CACNA1G: variants seen among roughly 807,000 people sequenced by gnomAD.
CACNA1G encodes voltage-dependent T-type calcium channel subunit alpha-1G.
A neutral mutation model predicts 219.4 loss-of-function variants in CACNA1G; 67 were observed. The observed-to-expected ratio is 0.31, with a 90% CI of 0.25 to 0.37. The LOEUF is 0.37. CACNA1G is among the 10% of genes least tolerant of loss of function. CACNA1G has a pLI of 1.00. For synonymous variants in CACNA1G, 1,296 were observed against 1,345.3 expected, an observed-to-expected ratio of 0.96 and a Z score of 0.80; for missense variants, 2,380 against 3,231.4, an observed-to-expected ratio of 0.74 and a Z score of 6.39.
chr17:50,569,518 A>G (rs2144648618), intron 3 of CACNA1G, among the ~76,000 whole-genome samples, 188 bp from the exon 4 acceptor site: 1 of 151,730 alleles, frequency 6.6e-6, no homozygotes, highest in East Asian at 1.9e-4. Flanking sequence ...TCTGATGGGC[A>G]ATCTGTCCTT....
At chr17:50,593,470 G>A (rs906562306) in intron 13 of CACNA1G, among the ~76,000 whole-genome samples, 3 of 152,268 alleles carry the variant, frequency 2.0e-5, no homozygotes, top group African/African-American at 7.2e-5. Flanking sequence ...GCCCAGCACA[G>A]ATGGCCCCCT....
At chr17:50,614,377 G>T (rs186001538) in intron 26 of CACNA1G, among the ~76,000 whole-genome samples, 1 of 152,096 alleles carries the variant, frequency 6.6e-6, no homozygotes, top group Non-Finnish European at 1.5e-5. Flanking sequence ...ACACCTCCCC[G>T]TGAAAAGCCT....
At chr17:50,561,800 G>A in intron 1 of CACNA1G, 99 bp downstream of exon 1, 2 of 726,080 alleles carry the variant, frequency 2.8e-6, no homozygotes, top group Non-Finnish European at 3.5e-6. Context: ...CAGGTGAGTC[G>A]AAGTGAGCCC....
chr17:50,606,074 C>G (rs1356277368), intron 23 of CACNA1G, 51 bp downstream of exon 23: 2 of 1,612,696 alleles, frequency 1.2e-6, no homozygotes, highest in African/African-American at 2.7e-5. Context: ...CTGGAGGGGG[C>G]ACAGGGCCAT....
chr17:50,567,975 G>C (rs186807939), intron 1 of CACNA1G, among the ~76,000 whole-genome samples: 1 of 152,312 alleles, frequency 6.6e-6, no homozygotes, highest in East Asian at 1.9e-4. Context: ...GGAGGGGGTA[G>C]ACATTGTCCA....
intron 7 of CACNA1G, 26 bp downstream of exon 7, chr17:50,573,139 G>A (rs1336911069): frequency 1.3e-6 from 2 of 1,518,508 alleles, no homozygotes; most frequent in South Asian, 1.2e-5. Context: ...GATCCCCGTG[G>A]GGATGGGCGA....
chr17:50,609,872 G>T lies in CACNA1G; in HGVS notation c.4706-10G>T. ...CGGCCAGTGACCAATGTCGTGTTTC[G>T]TTCTTTTAGATCTAATGCTGGACGA... On this transcript the variant is annotated splice_polypyrimidine_tract_variant and intron_variant, in intron 25 of 37. Transcript: ENST00000359106. 6.2e-7 allele frequency: 1 copy of T among 1,610,866 alleles called. No homozygotes were observed.
chr17:50,565,532 C>G (rs1037174134), intron 1 of CACNA1G, among the ~76,000 whole-genome samples: 1 of 152,124 alleles, frequency 6.6e-6, no homozygotes, highest in African/African-American at 2.4e-5. Context: ...ATCCCCCTAC[C>G]TCCTCATTTA....
Position 50,590,528 on chromosome 17 carries a change from G to A in CACNA1G, c.2359G>A (p.Ala787Thr), listed in dbSNP as rs760412777. The stretch of plus-strand genomic sequence containing the variant: ...CAACATCGTCTTCACCAGCCTCTTT[G>A]CCCTGGAGATGCTGCTGAAGCTGCT... ...ISNIVFTSLFALEMLLKLLVY... is the reference protein window; with the variant it reads ...ISNIVFTSLFTLEMLLKLLVY... The change falls in exon 10 of 38, where the codon GCC (alanine) becomes ACC (threonine). Residue 787 changes from alanine (A) to threonine (T), a missense_variant. By Grantham distance (58) the Ala-to-Thr change is moderately conservative (BLOSUM62 0). Transcript: ENST00000359106. 1.9e-6 allele frequency: 3 copies of A among 1,613,938 alleles called. No homozygotes were observed. In the Admixed American group the frequency reaches 5.0e-5, roughly 27 times the overall value.
chr17:50,589,894 T>C (rs12601226), intron 9 of CACNA1G, among the ~76,000 whole-genome samples: 6,513 of 137,308 alleles, frequency 0.047, 356 homozygotes, highest in African/African-American at 0.13. Flanking sequence ...GCGTGCATTT[T>C]TCTCTCTCTC....
intron 23 of CACNA1G, 156 bp downstream of exon 23, chr17:50,606,179 G>A: frequency 9.1e-7 from 1 of 1,093,358 alleles, no homozygotes; most frequent in Non-Finnish European, 1.4e-6. Flanking sequence ...ATGTCGCAAA[G>A]CCCAGTCCAT....
At chr17:50,602,933 G>A in intron 20 of CACNA1G, 45 bp downstream of exon 20, 3 of 1,612,760 alleles carry the variant, frequency 1.9e-6, no homozygotes, top group Non-Finnish European at 2.5e-6. Flanking sequence ...TTCCTGGTGG[G>A]GGTGGAGACA....
rs567521390 is a variant in CACNA1G, at chr17:50,591,379, G to C, written c.2454-56G>C. On this transcript the variant is annotated intron_variant, in intron 10 of 37. Coordinates refer to ENST00000359106, the MANE Select transcript of CACNA1G (RefSeq NM_018896.5). ...GGGTGCTACTGAGTCCTCTCCGAGGGAGTAGGGGGAGAGGGTGAAGGTGCA... is the reference window on the plus strand; with the variant it reads ...GGGTGCTACTGAGTCCTCTCCGAGGCAGTAGGGGGAGAGGGTGAAGGTGCA... 2.1e-6 allele frequency: 3 copies of C among 1,446,720 alleles called. No homozygotes were observed. In the African/African-American group the frequency reaches 4.2e-5, roughly 20 times the overall value. 89.6% of individuals were successfully genotyped at this position (1,446,720 alleles called of 1,614,324 possible).
Position 50,578,560 on chromosome 17 carries a change from A to G in CACNA1G, c.2297A>G (p.Glu766Gly). ...CTCAGCATGGGCATCGAATACCACG[A>G]GCAGGTAGGAGAGTGGGCAGAGGCA... The part of the protein sequence containing the change: ...NTLSMGIEYH[E>G]QPEELTNALE... The change falls in exon 9 of 38, where the codon GAG becomes GGG. Residue 766 changes from glutamate to glycine, a missense_variant. Glu to Gly is a moderately conservative substitution (Grantham distance 98). This residue lies in a region of CACNA1G where 82 missense variants were observed against 140.7 expected (regional missense o/e 0.58). Coordinates refer to ENST00000359106, the MANE Select transcript of CACNA1G (RefSeq NM_018896.5). The surrounding 1 kb of genome is among the most constrained non-coding windows in gnomAD (Gnocchi z 4.5). 1 of 1,548,990 alleles carries G rather than the reference A, an allele frequency of 6.5e-7. No individual in the cohort carries two copies. Among genetic ancestry groups the G allele is most frequent in the Non-Finnish European group, 8.7e-7 (1 of 1,146,922 alleles).
chr17:50,570,709 G>A (rs1050626875), intron 4 of CACNA1G, among the ~76,000 whole-genome samples: 1 of 152,152 alleles, frequency 6.6e-6, no homozygotes. Flanking sequence ...CCCGCCCCAG[G>A]TGATGGCTGG....
intron 1 of CACNA1G, among the ~76,000 whole-genome samples, chr17:50,565,516 G>A (rs932985549): frequency 1.3e-5 from 2 of 152,142 alleles, no homozygotes; most frequent in African/African-American, 4.8e-5. Context: ...GGTGAGGCAA[G>A]GACCTATCCC....
intron 9 of CACNA1G, among the ~76,000 whole-genome samples, chr17:50,589,787 T>C (rs1421326789): frequency 6.6e-6 from 1 of 152,180 alleles, no homozygotes; most frequent in Non-Finnish European, 1.5e-5. Flanking sequence ...TGTCCCGGGC[T>C]CAGGCTGAGG....
rs2050839654 is a variant in CACNA1G at position 50,617,509 on chromosome 17, A to G, written c.5093A>G (p.Asn1698Ser). Reference protein sequence around the residue: ...MGITLEEIEVNASLPINPTII... With the variant: ...MGITLEEIEVSASLPINPTII... ...ATCACGCTGGAGGAAATCGAGGTCA[A>G]CGCCTCGCTGCCCATCAACCCCACC... Residue 1698 changes from asparagine to serine, a missense_variant, in exon 29 of 38, where the codon AAC becomes AGC. Asn to Ser is a conservative substitution (Grantham distance 46, BLOSUM62 1). Transcript: ENST00000359106. The surrounding 1 kb of genome is among the most constrained non-coding windows in gnomAD (Gnocchi z 5.8). 2.5e-6 allele frequency: 4 copies of G among 1,614,006 alleles called. No homozygotes were observed. The highest frequency in any genetic ancestry group is 3.4e-6 in the Non-Finnish European group (4 of 1,179,878).
intron 36 of CACNA1G, 139 bp downstream of exon 36, chr17:50,624,214 G>A: frequency 7.9e-7 from 1 of 1,266,394 alleles, no homozygotes; most frequent in Non-Finnish European, 1.1e-6. Flanking sequence ...CAGCCTGGGG[G>A]AATGGCTTTG....
Sources: allele counts gnomAD v4.1 joint callset (sites outside exome capture counted in the v4.1 genomes callset), GRCh38; gene constraint gnomAD v4.1.1; regional missense constraint gnomAD v4.1.1; non-coding constraint Gnocchi (gnomAD v3.1); transcripts MANE v1.5; gene names NCBI Gene and HGNC (gene_info 2026-07-23, HGNC 2026-07-21).